The following RARB variants were observed in gnomAD, a reference collection of about 807,000 sequenced individuals.
RARB encodes retinoic acid receptor beta.
In RARB, 17 loss-of-function variants were observed where a neutral mutation model predicts 51.9. That is an observed-to-expected ratio of 0.33 (90% CI 0.22 to 0.49). The LOEUF is 0.49. Among genes scored for constraint, RARB ranks in the 20% least tolerant of loss-of-function variants. The probability of loss-of-function intolerance (pLI) is 0.99; values close to 1 mark genes in which losing one functional copy is unlikely to be tolerated. For missense variants in RARB, 369 were observed against 550.8 expected (o/e 0.67, Z 3.30); for synonymous variants, 215 against 195.4 (o/e 1.10, Z -0.84).
intron 5 of RARB, among the ~76,000 whole-genome samples, chr3:25,238,087 A>C (rs1043192190): frequency 6.6e-6 from 1 of 152,020 alleles, no homozygotes; most frequent in South Asian, 2.1e-4. Context: ...AAACATTAGA[A>C]TTTATTCCTT....
chr3:25,412,190 A>G (rs1707580791), intron 5 of RARB, among the ~76,000 whole-genome samples: 1 of 152,228 alleles, frequency 6.6e-6, no homozygotes, highest in Non-Finnish European at 1.5e-5. Flanking sequence ...CTAGAGGACA[A>G]TGGATGTTTT....
intron 5 of RARB, among the ~76,000 whole-genome samples, chr3:25,368,526 C>G (rs955000675): frequency 6.6e-6 from 1 of 152,190 alleles, no homozygotes; most frequent in Non-Finnish European, 1.5e-5. Context: ...TCATTAAAGA[C>G]TGCTAATATA....
At chr3:25,570,361 C>A (rs1407236304) in intron 4 of RARB, among the ~76,000 whole-genome samples, 1 of 152,180 alleles carries the variant, frequency 6.6e-6, no homozygotes, top group Non-Finnish European at 1.5e-5. Flanking sequence ...CTTTTAAAAA[C>A]CCCAATCCAT....
intron 3 of RARB, among the ~76,000 whole-genome samples, chr3:25,131,211 T>C (rs1699948474): frequency 6.6e-6 from 1 of 151,904 alleles, no homozygotes. Flanking sequence ...AAGCCAAGTT[T>C]TAGGCAAAAT....
chr3:25,225,606 G>C (rs1702039772), intron 5 of RARB, among the ~76,000 whole-genome samples: 1 of 152,046 alleles, frequency 6.6e-6, no homozygotes. Context: ...GATATTGATA[G>C]AACAGAATGT....
intron 5 of RARB, among the ~76,000 whole-genome samples, chr3:25,312,433 G>A (rs1453106689): frequency 2.0e-5 from 3 of 151,958 alleles, no homozygotes; most frequent in African/African-American, 7.3e-5. Context: ...CAGCTAATAA[G>A]CAGCACGTCA....
chr3:25,001,010 A>G (rs1697148283), intron 2 of RARB, among the ~76,000 whole-genome samples: 3 of 152,082 alleles, frequency 2.0e-5, no homozygotes. Flanking sequence ...GGCCCCACCA[A>G]AACATGGACT....
chr3:24,977,785 A>G lies in RARB; in HGVS notation c.-379-82340A>G, dbSNP rs931982065. Among the ~76,000 whole-genome samples the G allele has an allele frequency of 3.9e-5, 6 of 152,238 alleles. No homozygotes were observed. The East Asian group carries it at 9.7e-4, about 25-fold the overall frequency. On this transcript the variant is annotated intron_variant, in intron 2 of 11. Coordinates refer to the RARB transcript ENST00000383772. ...GATTGCCCTGGCCAGGACTTCCAAC[A>G]TTATGTTGAATAGGAGTGGTGAGAG...
At chr3:25,416,477 G>A (rs922725870) in intron 5 of RARB, among the ~76,000 whole-genome samples, 4 of 152,194 alleles carry the variant, frequency 2.6e-5, no homozygotes, top group Admixed American at 6.5e-5. Flanking sequence ...ATATTATCCA[G>A]TTCCAGGACT....
chr3:25,040,546 A>G (rs1698091072), intron 2 of RARB, among the ~76,000 whole-genome samples: 1 of 152,160 alleles, frequency 6.6e-6, no homozygotes, highest in Non-Finnish European at 1.5e-5. Flanking sequence ...CAGCCTGGCC[A>G]ACATGGTGAA....
chr3:25,361,189 T>C (rs115178750), intron 5 of RARB, among the ~76,000 whole-genome samples: 2,715 of 152,352 alleles, frequency 0.018, 79 homozygotes, highest in African/African-American at 0.058. Flanking sequence ...TTTCATTCTT[T>C]TTTCTCTAAT....
At chr3:25,424,480 A>G (rs766295087), upstream of RARB, among the ~76,000 whole-genome samples, 5 of 152,248 alleles carry the variant, frequency 3.3e-5, no homozygotes, top group African/African-American at 4.8e-5. Flanking sequence ...CTGCTGGAAC[A>G]CACAAGTCAC....
Position 25,393,702 on chromosome 3 carries a change from G to A in RARB, c.179-67491G>A, listed in dbSNP as rs571069150. 2.0e-5 allele frequency among the ~76,000 whole-genome samples: 3 copies of A among 152,066 alleles called. No homozygotes were observed. In the East Asian group the frequency reaches 5.8e-4, roughly 29 times the overall value. The stretch of plus-strand genomic sequence containing the variant: ...AGGTGTTCTAGTTTGTGCACGTGAA[G>A]GTGTTCATAGTAGCCTTGAATGATC... On this transcript the variant is annotated intron_variant, in intron 5 of 11. Coordinates refer to the RARB transcript ENST00000383772.
chr3:25,135,966 T>C (rs1700026831), intron 4 of RARB, among the ~76,000 whole-genome samples: 1 of 152,026 alleles, frequency 6.6e-6, no homozygotes, highest in South Asian at 2.1e-4. Flanking sequence ...TTTTAAATGT[T>C]ATACAAGAAG....
At chr3:25,060,856 T>C (rs1324685755) in intron 3 of RARB, among the ~76,000 whole-genome samples, 2 of 151,856 alleles carry the variant, frequency 1.3e-5, no homozygotes, top group Non-Finnish European at 2.9e-5. Flanking sequence ...AATGAAATTA[T>C]TTATGTAATT....
intron 1 of RARB, among the ~76,000 whole-genome samples, chr3:25,429,818 C>T (rs1708132417): frequency 6.6e-6 from 1 of 152,204 alleles, no homozygotes; most frequent in Non-Finnish European, 1.5e-5. Context: ...CTGCAGGATG[C>T]TTCGCCGCCC....
chr3:25,412,855 A>T (rs188514201), intron 5 of RARB, among the ~76,000 whole-genome samples: 54 of 152,182 alleles, frequency 3.5e-4, no homozygotes, highest in Non-Finnish European at 6.6e-4. Context: ...CCCCATCTCT[A>T]CTAAAAATAC....
intron 5 of RARB, among the ~76,000 whole-genome samples, chr3:25,238,745 G>A (rs1425920200): frequency 2.0e-5 from 3 of 152,090 alleles, no homozygotes; most frequent in East Asian, 1.9e-4. Context: ...TACTTTGGGA[G>A]GCCGAGGCAG....
intron 3 of RARB, among the ~76,000 whole-genome samples, chr3:25,083,787 T>C (rs1051739391): frequency 6.6e-6 from 1 of 152,180 alleles, no homozygotes; most frequent in South Asian, 2.1e-4. Context: ...TCTGGAGTTT[T>C]ATTTGTTTTG....
Sources: allele counts gnomAD v4.1 joint callset (sites outside exome capture counted in the v4.1 genomes callset), GRCh38; gene constraint gnomAD v4.1.1; transcripts MANE v1.5; gene names NCBI Gene and HGNC (gene_info 2026-07-23, HGNC 2026-07-21).